The following ERC1 variants were observed in gnomAD, a reference collection of about 807,000 sequenced individuals.
ERC1 encodes the protein ELKS/RAB6-interacting/CAST family member 1, also known as RAB6 interacting protein 2.
Under a neutral mutation model 132.0 loss-of-function variants are expected in ERC1, and 56 were observed. That is an observed-to-expected ratio of 0.42 (90% CI 0.34 to 0.53). The LOEUF is 0.53. Ranked by LOEUF, ERC1 falls within the 20% of genes least tolerant of loss-of-function variation. The pLI is 0.03. For synonymous variants in ERC1, 478 were observed against 476.1 expected (o/e 1.00, Z -0.05); for missense variants, 1,202 against 1,349.9 (o/e 0.89, Z 1.72).
chr12:1,016,592 C>T (rs909071882), intron 1 of ERC1, among the ~76,000 whole-genome samples: 1 of 149,672 alleles, frequency 6.7e-6, no homozygotes, highest in Non-Finnish European at 1.5e-5. Flanking sequence ...CTGTTTTTCT[C>T]TCACAGTATG....
intron 18 of ERC1, among the ~76,000 whole-genome samples, chr12:1,455,236 C>G (rs913857672): frequency 1.3e-5 from 2 of 152,162 alleles, no homozygotes; most frequent in Non-Finnish European, 2.9e-5. Context: ...CCTTGAAATT[C>G]TCTTCTAATC....
intron 5 of ERC1, among the ~76,000 whole-genome samples, chr12:1,110,645 G>T (rs750781639): frequency 1.1e-4 from 17 of 152,140 alleles, no homozygotes; most frequent in Admixed American, 7.2e-4. Context: ...TTCCAGATGA[G>T]TTTTTCTCAC....
At chr12:1,418,643 C>CTTT (rs1400638182) in intron 17 of ERC1, among the ~76,000 whole-genome samples, 2 of 113,210 alleles carry the variant, frequency 1.8e-5, no homozygotes, top group African/African-American at 7.2e-5. Flanking sequence ...TTCTTTCTTT[C>CTTT]TCTCTCTCTC....
intron 4 of ERC1, among the ~76,000 whole-genome samples, chr12:1,108,654 A>G (rs1945515390): frequency 6.6e-6 from 1 of 152,210 alleles, no homozygotes; most frequent in African/African-American, 2.4e-5. Flanking sequence ...AGTACTTTTT[A>G]TGGGTCAGTC....
chr12:1,301,954 A>T (rs1033233720), intron 15 of ERC1, among the ~76,000 whole-genome samples: 1 of 152,184 alleles, frequency 6.6e-6, no homozygotes, highest in African/African-American at 2.4e-5. Flanking sequence ...TCTTAGAGAA[A>T]CTCATTCACA....
chr12:1,382,578 C>T (rs1056903257), intron 16 of ERC1, among the ~76,000 whole-genome samples: 5 of 152,222 alleles, frequency 3.3e-5, no homozygotes, highest in African/African-American at 9.6e-5. Flanking sequence ...GGCTGCCTGA[C>T]TTGCCTCTTC....
intron 18 of ERC1, among the ~76,000 whole-genome samples, chr12:1,487,748 G>A (rs1186001560): frequency 1.7e-5 from 2 of 117,300 alleles, no homozygotes; most frequent in Non-Finnish European, 3.9e-5. Flanking sequence ...AGAGGAGAAG[G>A]GTAGGAGGCA....
At chr12:1,041,771 T>C (rs569345981) in intron 2 of ERC1, among the ~76,000 whole-genome samples, 13 of 152,204 alleles carry the variant, frequency 8.5e-5, no homozygotes, top group Non-Finnish European at 1.5e-4. Flanking sequence ...CTGTGAGTAA[T>C]GGTGAGGAAT....
chr12:1,083,179 A>T lies in ERC1; in HGVS notation c.685A>T (p.Ile229Phe). 6.2e-7 allele frequency: 1 copy of T among 1,612,976 alleles called. No individual in the cohort carries two copies. Among genetic ancestry groups the T allele is most frequent in the Non-Finnish European group, 8.5e-7 (1 of 1,179,674 alleles). The change falls in exon 3 of 19, where the codon ATC (isoleucine) becomes TTC (phenylalanine). Residue 229 changes from isoleucine to phenylalanine, a missense_variant. Transcript: ENST00000360905. ...QEENQHMQMTIQALQDELRIQ... is the reference protein window; with the variant it reads ...QEENQHMQMTFQALQDELRIQ... The stretch of plus-strand genomic sequence containing the variant: ...TTGGTTCTAGCACATGCAGATGACA[A>T]TCCAGGCTCTCCAGGATGAATTGCG...
At chr12:1,365,087 A>G (rs1470344773) in intron 15 of ERC1, among the ~76,000 whole-genome samples, 1 of 152,210 alleles carries the variant, frequency 6.6e-6, no homozygotes, top group African/African-American at 2.4e-5. Context: ...AGATTAACAT[A>G]GCCTTATATA....
chr12:1,093,644 A>C (rs117567868), intron 3 of ERC1, among the ~76,000 whole-genome samples: 3 of 152,054 alleles, frequency 2.0e-5, no homozygotes, highest in African/African-American at 7.2e-5. Context: ...ATTGCAGCCT[A>C]CTAGTTTTTT....
chr12:1,030,914 G>A (rs1051683492), intron 2 of ERC1, among the ~76,000 whole-genome samples: 3 of 152,108 alleles, frequency 2.0e-5, no homozygotes, highest in African/African-American at 7.2e-5. Context: ...GTGGTAGGCC[G>A]TACCAGGTGG....
intron 12 of ERC1, 96 bp from the exon 13 acceptor site, chr12:1,236,673 G>A (rs2075434803): frequency 8.7e-6 from 11 of 1,260,978 alleles, no homozygotes; most frequent in Admixed American, 5.2e-5. Flanking sequence ...TTGGTTTTCA[G>A]CCATTCCTTA....
intron 15 of ERC1, among the ~76,000 whole-genome samples, chr12:1,333,969 A>T (rs2083098829): frequency 6.6e-6 from 1 of 152,100 alleles, no homozygotes; most frequent in Non-Finnish European, 1.5e-5. Flanking sequence ...GTGAGATAAT[A>T]TTGTGGTTTC....
chr12:1,314,943 A>G (rs1016271819), intron 15 of ERC1, among the ~76,000 whole-genome samples: 35 of 152,328 alleles, frequency 2.3e-4, no homozygotes, highest in African/African-American at 7.7e-4. Flanking sequence ...AACTATGTCA[A>G]TGAAGTATTT....
At chr12:1,052,554 G>C (rs999555905) in intron 2 of ERC1, among the ~76,000 whole-genome samples, 55 of 152,228 alleles carry the variant, frequency 3.6e-4, no homozygotes, top group Admixed American at 3.3e-3. Flanking sequence ...AGAAAATAGT[G>C]CTCCATTAAC....
rs35510985 is a variant in ERC1, at chr12:1,154,354, T to TACACACACACAC, written c.1737+12584_1737+12595dup. On this transcript the variant is annotated intron_variant, in intron 8 of 18. Coordinates refer to ENST00000360905, the MANE Select transcript of ERC1 (RefSeq NM_178040.4). ...ATACACACATACCCATGTGTGTTTA[T>TACACACACACAC]ACACACACACACACACACACACACA... is the stretch of plus-strand genomic sequence containing the variant. Among the ~76,000 whole-genome samples the TACACACACACAC allele has an allele frequency of 2.8e-3, 411 of 145,836 alleles. 2 individuals are homozygous for TACACACACACAC. Among genetic ancestry groups the TACACACACACAC allele is most frequent in the African/African-American group, 7.4e-3 (290 of 39,202 alleles).
At chr12:1,013,209 G>T (rs898343074) in intron 1 of ERC1, among the ~76,000 whole-genome samples, 2 of 152,150 alleles carry the variant, frequency 1.3e-5, no homozygotes, top group African/African-American at 4.8e-5. Flanking sequence ...AGTCGTTGGG[G>T]AAGGCTACAC....
intron 8 of ERC1, among the ~76,000 whole-genome samples, chr12:1,154,202 GGTGT>G (rs1278340440): frequency 8.2e-6 from 1 of 122,154 alleles, no homozygotes; most frequent in African/African-American, 3.2e-5. Context: ...AGTATTCCAT[GGTGT>G]GTGTGTGTAT....
Sources: allele counts gnomAD v4.1 joint callset (sites outside exome capture counted in the v4.1 genomes callset), GRCh38; gene constraint gnomAD v4.1.1; transcripts MANE v1.5; gene names NCBI Gene and HGNC (gene_info 2026-07-23, HGNC 2026-07-21).